The following NCAM2 variants were observed in gnomAD, a reference collection of about 807,000 sequenced individuals.
NCAM2 encodes N-CAM-2.
In NCAM2, 30 loss-of-function variants were observed where a neutral mutation model predicts 98.1. The ratio of observed to expected loss-of-function variants is 0.31; its 90% CI spans 0.23 to 0.41. The LOEUF (loss-of-function observed/expected upper bound fraction) is 0.41. Ranked by LOEUF, NCAM2 falls within the 10% of genes least tolerant of loss-of-function variation. The probability of loss-of-function intolerance (pLI) is 1.00; values close to 1 mark genes in which losing one functional copy is unlikely to be tolerated. For synonymous variants in NCAM2, 368 were observed against 342.4 expected (o/e 1.07, Z -0.83); for missense variants, 867 against 1,005.8 (o/e 0.86, Z 1.87).
chr21:21,111,217 C>G (rs1371197016), intron 1 of NCAM2, among the ~76,000 whole-genome samples: 1 of 151,946 alleles, frequency 6.6e-6, no homozygotes, highest in Admixed American at 6.6e-5. Context: ...TCACAGTAGC[C>G]ATATTGTAAC....
intron 1 of NCAM2, among the ~76,000 whole-genome samples, chr21:21,009,966 G>C (rs2064179224): frequency 6.7e-6 from 1 of 148,394 alleles, no homozygotes; most frequent in Non-Finnish European, 1.5e-5. Flanking sequence ...AGTGATAAAA[G>C]CATTTAAGTT....
intron 1 of NCAM2, among the ~76,000 whole-genome samples, chr21:21,152,873 C>T (rs1253677334): frequency 6.6e-6 from 1 of 151,892 alleles, no homozygotes; most frequent in African/African-American, 2.4e-5. Context: ...GCCTCCTGTT[C>T]TATAATAATC....
At chr21:21,438,014 A>G (rs565683954) in intron 12 of NCAM2, among the ~76,000 whole-genome samples, 149 of 152,264 alleles carry the variant, frequency 9.8e-4, no homozygotes, top group African/African-American at 3.5e-3. Flanking sequence ...TAAGAATTCT[A>G]TGTAAGCACA....
chr21:21,509,147 T>C (rs747513999), intron 16 of NCAM2, 92 bp downstream of exon 16: 198 of 1,240,790 alleles, frequency 1.6e-4, no homozygotes, highest in East Asian at 4.1e-4. Flanking sequence ...GGTAAAGGAG[T>C]AGGGTAAAGA....
At position 21,433,476 on chromosome 21, in the gene NCAM2, A is replaced by C. The variant is rs1029324991; in HGVS notation, c.1654+1195A>C. On this transcript the variant is annotated intron_variant, in intron 12 of 17. Transcript: ENST00000400546. ...GAGAAAGGGCCAGGAGCGGTGGCTC[A>C]TGCTTGTAATCCCAGCACTTTTGGA... Among the ~76,000 whole-genome samples, 7 of 152,010 alleles carry C rather than the reference A, an allele frequency of 4.6e-5. 1 individual carries two copies. Among genetic ancestry groups the C allele is most frequent in the Non-Finnish European group, 8.8e-5 (6 of 68,008 alleles).
intron 1 of NCAM2, among the ~76,000 whole-genome samples, chr21:21,085,920 G>A (rs1289408451): frequency 6.6e-6 from 1 of 152,088 alleles, no homozygotes. Flanking sequence ...TTGTATATTA[G>A]AGAAAATCAT....
intron 1 of NCAM2, among the ~76,000 whole-genome samples, chr21:21,267,254 G>A (rs2072318431): frequency 6.6e-6 from 1 of 152,106 alleles, no homozygotes; most frequent in African/African-American, 2.4e-5. Context: ...GTGACTCCAA[G>A]CATACTTGTT....
At chr21:21,357,262 T>G (rs557008158) in intron 8 of NCAM2, among the ~76,000 whole-genome samples, 1 of 152,278 alleles carries the variant, frequency 6.6e-6, no homozygotes, top group Admixed American at 6.5e-5. Context: ...TCTTTTTCAG[T>G]GTATTTTGCA....
chr21:21,296,005 T>A lies in NCAM2; in HGVS notation c.619+3764T>A, dbSNP rs138584511. Among the ~76,000 whole-genome samples, 17 of 151,760 alleles carry A rather than the reference T, an allele frequency of 1.1e-4. No individual in the cohort carries two copies. The East Asian group carries it at 2.7e-3, about 24-fold the overall frequency. On this transcript the variant is annotated intron_variant, in intron 5 of 17. Coordinates refer to ENST00000400546, the MANE Select transcript of NCAM2 (RefSeq NM_004540.5). ...AGGTATTGAAAATTTAGCTGAAGAGTTTTTACTGTCATTTCAAAATTATTT... is the reference window on the plus strand; with the variant it reads ...AGGTATTGAAAATTTAGCTGAAGAGATTTTACTGTCATTTCAAAATTATTT...
intron 1 of NCAM2, among the ~76,000 whole-genome samples, chr21:21,058,144 C>CAAAAAAAA (rs56355387): frequency 6.7e-5 from 7 of 104,446 alleles, no homozygotes; most frequent in East Asian, 2.8e-4. Flanking sequence ...TAAGTCTCTT[C>CAAAAAAAA]AAAAAAAAAA....
chr21:21,014,631 G>A (rs1012843555), intron 1 of NCAM2, among the ~76,000 whole-genome samples: 15 of 152,246 alleles, frequency 9.9e-5, no homozygotes, highest in African/African-American at 2.9e-4. Context: ...AAGAGCTGTC[G>A]TGGAGATTTA....
At chr21:21,160,214 A>G (rs1437295692) in intron 1 of NCAM2, among the ~76,000 whole-genome samples, 1 of 152,094 alleles carries the variant, frequency 6.6e-6, no homozygotes, top group Non-Finnish European at 1.5e-5. Flanking sequence ...GTGGACAAAA[A>G]GACCAAAAGA....
chr21:21,431,401 A>G (rs2146025554), intron 11 of NCAM2, among the ~76,000 whole-genome samples: 1 of 151,978 alleles, frequency 6.6e-6, no homozygotes, highest in East Asian at 1.9e-4. Flanking sequence ...CACTAAATTA[A>G]ATGTCCACCT....
intron 1 of NCAM2, among the ~76,000 whole-genome samples, chr21:21,043,868 G>A (rs74358194): frequency 0.05 from 6,117 of 123,422 alleles, 186 homozygotes; most frequent in Non-Finnish European, 0.079. Flanking sequence ...AAAAAAAAAA[G>A]AAAAAAGAAA....
intron 15 of NCAM2, among the ~76,000 whole-genome samples, chr21:21,504,425 T>C (rs1162976454): frequency 9.0e-6 from 1 of 111,074 alleles, no homozygotes; most frequent in East Asian, 2.7e-4. Context: ...TTACTTATGC[T>C]CAGGTTTGAT....
Position 21,090,399 on chromosome 21 carries a change from G to A in NCAM2, c.55+91781G>A, listed in dbSNP as rs1219397687. 2.0e-5 allele frequency among the ~76,000 whole-genome samples: 3 copies of A among 152,214 alleles called. No homozygotes were observed. In the East Asian group the frequency reaches 5.8e-4, roughly 29 times the overall value. ...GCCCATTAGTTTTAAAAATCTGCAT[G>A]TCAAAGAGTGAATATGAATATGGAC... On this transcript the variant is annotated intron_variant, in intron 1 of 17. Transcript: ENST00000400546.
chr21:21,215,914 T>A (rs952948337), intron 1 of NCAM2, among the ~76,000 whole-genome samples: 1 of 152,146 alleles, frequency 6.6e-6, no homozygotes, highest in African/African-American at 2.4e-5. Context: ...ATATAAATAG[T>A]ACAGTAACAA....
chr21:21,254,353 T>C (rs2147304526), intron 1 of NCAM2, among the ~76,000 whole-genome samples: 1 of 152,326 alleles, frequency 6.6e-6, no homozygotes, highest in Non-Finnish European at 1.5e-5. Flanking sequence ...TCAGGTTTGT[T>C]GTTGAAACTT....
chr21:21,247,179 C>T (rs7277588), intron 1 of NCAM2, among the ~76,000 whole-genome samples: 74,403 of 151,808 alleles, frequency 0.49, 18,789 homozygotes, highest in South Asian at 0.58. Flanking sequence ...TTTAGCCTGG[C>T]GTGGTGGTGG....
Sources: allele counts gnomAD v4.1 joint callset (sites outside exome capture counted in the v4.1 genomes callset), GRCh38; gene constraint gnomAD v4.1.1; transcripts MANE v1.5; gene names NCBI Gene and HGNC (gene_info 2026-07-23, HGNC 2026-07-21).